Variants in MACROD2 observed in about 807,000 individuals in gnomAD.
MACROD2 encodes the protein mono-ADP ribosylhydrolase 2.
A neutral mutation model predicts 70.4 loss-of-function variants in MACROD2; 36 were observed. That is an observed-to-expected ratio of 0.51 (90% CI 0.39 to 0.68). The LOEUF (loss-of-function observed/expected upper bound fraction) is 0.68, where lower values mean the gene tolerates loss of function less well. Among genes scored for constraint, MACROD2 ranks in the 30% least tolerant of loss-of-function variants. MACROD2 has a pLI of 0.00. For synonymous variants in MACROD2, 172 were observed against 178.8 expected (o/e 0.96, Z 0.30); for missense variants, 496 against 538.4 (o/e 0.92, Z 0.78).
At chr20:14,939,193 C>T (rs1005486263) in intron 5 of MACROD2, among the ~76,000 whole-genome samples, 2 of 151,944 alleles carry the variant, frequency 1.3e-5, no homozygotes, top group Non-Finnish European at 2.9e-5. Context: ...GAGCATCTCC[C>T]CAAAGTTTTC....
At chr20:15,879,077 A>T (rs542228362) in intron 9 of MACROD2, among the ~76,000 whole-genome samples, 1 of 152,146 alleles carries the variant, frequency 6.6e-6, no homozygotes, top group Non-Finnish European at 1.5e-5. Flanking sequence ...TGGGAAGGAA[A>T]GGGGATTTTT....
chr20:14,877,834 T>A lies in MACROD2; in HGVS notation c.418+192875T>A, dbSNP rs751539045. On this transcript the variant is annotated intron_variant, in intron 5 of 17. Transcript: ENST00000684519. ...CCCTGGAATAAAGCCCATTTGATCA[T>A]GGTGAATTAACTTTTCTGTATGCTG... Among the ~76,000 whole-genome samples, 13 of 152,246 alleles carry A rather than the reference T, an allele frequency of 8.5e-5. No individual in the cohort carries two copies. In the Middle Eastern group the frequency reaches 0.01, roughly 120 times the overall value.
chr20:15,167,653 G>C (rs949503737), intron 5 of MACROD2, among the ~76,000 whole-genome samples: 1 of 152,072 alleles, frequency 6.6e-6, no homozygotes. Flanking sequence ...AGACCCTTTA[G>C]GCATGAAATG....
intron 3 of MACROD2, among the ~76,000 whole-genome samples, chr20:14,241,419 A>G (rs1179404257): frequency 6.6e-6 from 1 of 152,164 alleles, no homozygotes; most frequent in Non-Finnish European, 1.5e-5. Context: ...ATTTTATGAT[A>G]ACAACATGAA....
chr20:15,621,393 G>A (rs911150363), intron 8 of MACROD2, among the ~76,000 whole-genome samples: 15 of 152,186 alleles, frequency 9.9e-5, no homozygotes, highest in Admixed American at 7.8e-4. Context: ...AGAATCCATC[G>A]ATTCTTCCAG....
chr20:14,651,939 C>T (rs1184866932), intron 4 of MACROD2, among the ~76,000 whole-genome samples: 1 of 151,990 alleles, frequency 6.6e-6, no homozygotes, highest in African/African-American at 2.4e-5. Context: ...ATTATGAATT[C>T]ATAAACTTTC....
chr20:15,881,102 C>T (rs746773347), intron 9 of MACROD2, among the ~76,000 whole-genome samples: 11 of 151,986 alleles, frequency 7.2e-5, no homozygotes, highest in African/African-American at 1.7e-4. Flanking sequence ...CCTGTATCTT[C>T]GTAATGGGTA....
At chr20:15,626,910 T>C (rs954346923) in intron 8 of MACROD2, among the ~76,000 whole-genome samples, 1 of 151,218 alleles carries the variant, frequency 6.6e-6, no homozygotes, top group Non-Finnish European at 1.5e-5. Context: ...GTTGAGGCCA[T>C]TGTCACAAAG....
intron 3 of MACROD2, among the ~76,000 whole-genome samples, chr20:14,138,182 G>A (rs771496818): frequency 3.5e-4 from 54 of 152,288 alleles, no homozygotes; most frequent in Non-Finnish European, 6.6e-4. Context: ...AGCCATTATG[G>A]AAAGAAAACA....
chr20:15,457,073 TTTAAA>T (rs1295118662), intron 7 of MACROD2, among the ~76,000 whole-genome samples: 5 of 116,574 alleles, frequency 4.3e-5, no homozygotes, highest in South Asian at 3.1e-4. Flanking sequence ...TTTTTTTTTT[TTTAAA>T]AAAAAAGCAT....
intron 5 of MACROD2, among the ~76,000 whole-genome samples, chr20:14,979,211 C>T (rs979696438): frequency 1.1e-4 from 16 of 151,562 alleles, no homozygotes; most frequent in Admixed American, 1.1e-3. Flanking sequence ...CCTCCTACCT[C>T]GGCCTTCTAA....
chr20:14,289,969 A>G (rs2082372714), intron 3 of MACROD2, among the ~76,000 whole-genome samples: 1 of 146,512 alleles, frequency 6.8e-6, no homozygotes, highest in Non-Finnish European at 1.5e-5. Context: ...CAAAGTAAGG[A>G]TTCACTAGTT....
At chr20:14,962,543 TTCTCTCTG>T (rs1272965843) in intron 5 of MACROD2, among the ~76,000 whole-genome samples, 1 of 142,418 alleles carries the variant, frequency 7.0e-6, no homozygotes, top group African/African-American at 2.9e-5. Context: ...CTCTCTCTCT[TTCTCTCTG>T]TCTCTATATA....
At chr20:14,743,359 G>T (rs2071758707) in intron 5 of MACROD2, among the ~76,000 whole-genome samples, 1 of 151,940 alleles carries the variant, frequency 6.6e-6, no homozygotes. Context: ...AGATTATTTG[G>T]GTGCGCCCAG....
chr20:15,572,611 A>T (rs1355448829), intron 8 of MACROD2, among the ~76,000 whole-genome samples: 4 of 152,134 alleles, frequency 2.6e-5, no homozygotes, highest in African/African-American at 9.7e-5. Context: ...CTAACAGTAC[A>T]GTTATTTTGA....
intron 5 of MACROD2, among the ~76,000 whole-genome samples, chr20:15,154,174 A>G (rs1490757292): frequency 1.3e-5 from 2 of 152,140 alleles, no homozygotes; most frequent in African/African-American, 4.8e-5. Context: ...CTTCAGCCCA[A>G]AGTAAATATC....
chr20:14,405,751 T>A (rs2122850767), intron 3 of MACROD2, among the ~76,000 whole-genome samples: 1 of 152,316 alleles, frequency 6.6e-6, no homozygotes, highest in East Asian at 1.9e-4. Context: ...GTCTCAGATC[T>A]TGTATTTCTA....
At chr20:14,453,348 C>T (rs1406468906) in intron 3 of MACROD2, among the ~76,000 whole-genome samples, 1 of 152,142 alleles carries the variant, frequency 6.6e-6, no homozygotes, top group East Asian at 1.9e-4. Flanking sequence ...TCACTGCTGT[C>T]ATTTCCTAAT....
At chr20:14,422,402 A>G (rs920194641) in intron 3 of MACROD2, among the ~76,000 whole-genome samples, 29 of 152,174 alleles carry the variant, frequency 1.9e-4, no homozygotes, top group African/African-American at 6.8e-4. Flanking sequence ...TAATACATTT[A>G]CACTTAAAGT....
Sources: gnomAD v4.1 joint callset for allele counts (sites outside exome capture counted in the v4.1 genomes callset) on GRCh38, gnomAD v4.1.1 for gene constraint, MANE v1.5 for transcripts, NCBI Gene and HGNC (gene_info 2026-07-23, HGNC 2026-07-21) for gene names.